The following AHNAK2 variants were observed in gnomAD, a reference collection of about 807,000 sequenced individuals.
AHNAK2 encodes the protein protein AHNAK2.
A neutral mutation model predicts 30.7 loss-of-function variants in AHNAK2; 18 were observed. The ratio of observed to expected loss-of-function variants is 0.59; its 90% CI spans 0.41 to 0.87. The LOEUF is 0.87. Ranked by LOEUF, AHNAK2 falls within the 40% of genes least tolerant of loss-of-function variation. The probability of loss-of-function intolerance (pLI) is 0.00; values close to 1 mark genes in which losing one functional copy is unlikely to be tolerated. For synonymous variants in AHNAK2, 3,590 were observed against 3,073.8 expected, an observed-to-expected ratio of 1.17 and a Z score of -5.56; for missense variants, 8,604 against 7,373.0, an observed-to-expected ratio of 1.17 and a Z score of -6.11.
Position 104,947,980 on chromosome 14 carries a change from G to A in AHNAK2, c.7471C>T (p.Pro2491Ser), listed in dbSNP as rs764399346. 3 of 1,612,582 alleles carry A rather than the reference G, an allele frequency of 1.9e-6. No homozygotes were observed. The highest frequency in any genetic ancestry group is 2.5e-6 in the Non-Finnish European group (3 of 1,179,640). The change falls in exon 7 of 7, where the codon CCG becomes TCG. Residue 2491 changes from proline to serine, a missense_variant. Coordinates refer to ENST00000333244, the MANE Select transcript of AHNAK2 (RefSeq NM_138420.4). Reference protein sequence around the residue: ...SRFKIPKFKMPSFGVSAPGKS... With the variant: ...SRFKIPKFKMSSFGVSAPGKS... ...CCTGGGGCAGACACCCCGAATGACG[G>A]CATCTTGAACTTGGGAATTTTGAAC... is the stretch of plus-strand genomic sequence containing the variant.
chr14:104,968,781 T>C (rs550529629), intron 1 of AHNAK2, among the ~76,000 whole-genome samples: 1 of 152,218 alleles, frequency 6.6e-6, no homozygotes, highest in Non-Finnish European at 1.5e-5. Context: ...CAGGTGTGTG[T>C]GCACACGTGT....
In AHNAK2 at chr14:104,945,083, C is replaced by A; in HGVS notation, c.10368G>T (p.Glu3456Asp). ...CCTTTTCAGCCAGGGACAGGTCCCC[C>A]TCCAGCCGCGCACCATCCAGCTTGG... ...PRAKLDGARLEGDLSLAEKDV... is the reference protein window; with the variant it reads ...PRAKLDGARLDGDLSLAEKDV... The change falls in exon 7 of 7, where the codon GAG becomes GAT. Residue 3456 changes from glutamate to aspartate, a missense_variant. Coordinates refer to ENST00000333244, the MANE Select transcript of AHNAK2 (RefSeq NM_138420.4). The A allele has an allele frequency of 1.2e-6, 2 of 1,613,374 alleles. No individual in the cohort carries two copies. Among genetic ancestry groups the A allele is most frequent in the Non-Finnish European group, 1.7e-6 (2 of 1,179,758 alleles).
Position 104,945,392 on chromosome 14 carries a change from G to A in AHNAK2, c.10059C>T (p.Thr3353=), listed in dbSNP as rs1566904003. ...SLPSMQGDLK[T]TDLSIQLPSV... ...AAGGGAGCTGAATGCTGAGGTCAGT[G>A]GTCTTGAGGTCCCCCTGCATGGAGG... Residue 3353 remains threonine (T), a synonymous_variant, in exon 7 of 7, where the codon ACC becomes ACT. Coordinates refer to ENST00000333244, the MANE Select transcript of AHNAK2 (RefSeq NM_138420.4). The A allele has an allele frequency of 4.3e-6, 7 of 1,612,896 alleles. No individual in the cohort carries two copies. The highest frequency in any genetic ancestry group is 1.7e-5 in the Admixed American group (1 of 59,946).
Position 104,940,661 on chromosome 14 carries a change from C to T in AHNAK2, c.14790G>A (p.Gln4930=). 1 of 1,613,476 alleles carries T rather than the reference C, an allele frequency of 6.2e-7. No homozygotes were observed. The change falls in exon 7 of 7, where the codon CAG becomes CAA. Residue 4930 remains glutamine, a synonymous_variant. Coordinates refer to ENST00000333244, the MANE Select transcript of AHNAK2 (RefSeq NM_138420.4). The surrounding 1 kb of genome is among the most constrained non-coding windows in gnomAD (Gnocchi z 4.4). The part of the protein sequence containing the change: ...QGPEELVASL[Q]TSVVAPGEAP... ...CTTCTCCAGGGGCCACTACTGATGT[C>T]TGCAAGGAGGCCACAAGCTCTTCTG...
chr14:104,965,401 C>CAAAAAAAAAA (rs397853385), intron 1 of AHNAK2, among the ~76,000 whole-genome samples: 43 of 85,410 alleles, frequency 5.0e-4, no homozygotes, highest in Non-Finnish European at 6.3e-4. Context: ...AACTCTGTCT[C>CAAAAAAAAAA]AAAAAAAAAA....
Position 104,950,673 on chromosome 14 carries a change from C to T in AHNAK2, c.4778G>A (p.Gly1593Glu), listed in dbSNP as rs370987429. The T allele has an allele frequency of 3.1e-5, 50 of 1,587,340 alleles. 4 individuals carry two copies. The East Asian group carries it at 8.8e-4, about 28-fold the overall frequency. The change falls in exon 7 of 7, where the codon GGG becomes GAG. Residue 1593 changes from glycine to glutamate, a missense_variant. Physicochemically the swap from Gly to Glu is moderately conservative, Grantham distance 98. Transcript: ENST00000333244. ...SFKMPKVDLK[G>E]PQIDVKGPKL... ...GGGGCCCTTAACATCTATCTGGGGC[C>T]CCTTGAGGTCCACTTTGGGCATCTT...
chr14:104,967,393 A>C (rs1414782930), intron 1 of AHNAK2, among the ~76,000 whole-genome samples: 1 of 152,252 alleles, frequency 6.6e-6, no homozygotes, highest in Non-Finnish European at 1.5e-5. Context: ...TGAGCTGGGC[A>C]CAGCCGGCTG....
At chr14:104,956,734 G>T in intron 3 of AHNAK2, 45 bp from the exon 4 acceptor site, 1 of 1,585,768 alleles carries the variant, frequency 6.3e-7, no homozygotes, top group Non-Finnish European at 8.6e-7. Flanking sequence ...CCCAGCTCAG[G>T]GACAGGGAGG....
chr14:104,940,371 G>C lies in AHNAK2; in HGVS notation c.15080C>G (p.Ala5027Gly). Residue 5027 changes from alanine to glycine, a missense_variant, in exon 7 of 7, where the codon GCA becomes GGA. Physicochemically the swap from Ala to Gly is moderately conservative, Grantham distance 60. Transcript: ENST00000333244. The surrounding 1 kb of genome is among the most constrained non-coding windows in gnomAD (Gnocchi z 4.4). ...TKPGFAMPKL[A>G]LPKMKASKSG... ...CTTAGAAGCCTTCATTTTGGGAAGT[G>C]CAAGTTTTGGCATGGCAAAGCCAGG... 6.2e-7 allele frequency: 1 copy of C among 1,613,870 alleles called. No homozygotes were observed. The highest frequency in any genetic ancestry group is 2.2e-5 in the East Asian group (1 of 44,888).
At position 104,956,623 on chromosome 14, in the gene AHNAK2, C is replaced by A. The variant is rs574568214; in HGVS notation, c.280G>T (p.Asp94Tyr). Residue 94 changes from aspartate (D) to tyrosine (Y), a missense_variant, in exon 4 of 7, where the codon GAC (aspartate) becomes TAC (tyrosine). Physicochemically the swap from Asp to Tyr is radical, Grantham distance 160. Coordinates refer to ENST00000333244, the MANE Select transcript of AHNAK2 (RefSeq NM_138420.4). ...RRSWWKRDSG[D>Y]SRTFFRMSRP... ...CTCATCCTGAAAAATGTCCGTGAGTCCCCTGAATCTCGCTTCCACCAGGAT... is the reference window on the plus strand; with the variant it reads ...CTCATCCTGAAAAATGTCCGTGAGTACCCTGAATCTCGCTTCCACCAGGAT... 6.2e-7 allele frequency: 1 copy of A among 1,613,814 alleles called. No homozygotes were observed. The highest frequency in any genetic ancestry group is 8.5e-7 in the Non-Finnish European group (1 of 1,179,888).
rs375488125 is a variant in AHNAK2, at chr14:104,941,125, C to A, written c.14326G>T (p.Gly4776Cys). Residue 4776 changes from glycine to cysteine, a missense_variant, in exon 7 of 7, where the codon GGT (glycine) becomes TGT (cysteine). Transcript: ENST00000333244. ...GFPSSRLDLT[G>C]PHFESSILSP... ...AGAATAGAAGATTCAAAGTGAGGACCAGTGAGATCAAGCCGGGATGATGGA... is the reference window on the plus strand; with the variant it reads ...AGAATAGAAGATTCAAAGTGAGGACAAGTGAGATCAAGCCGGGATGATGGA... 35 of 1,613,426 alleles carry A rather than the reference C, an allele frequency of 2.2e-5. No individual in the cohort carries two copies. In the African/African-American group the frequency reaches 4.4e-4, roughly 20 times the overall value.
Position 104,957,407 on chromosome 14 carries a change from C to A in AHNAK2, c.213+3G>T. On this transcript the variant is annotated splice_donor_region_variant and intron_variant, in intron 3 of 6. Transcript: ENST00000333244. Reference sequence around the variant, plus strand: ...CCTGTGGGGCTCTGCCCAGCAGGCTCACCTGGAGTCCAAAGTCGGCAGCCT... The same window carrying A: ...CCTGTGGGGCTCTGCCCAGCAGGCTAACCTGGAGTCCAAAGTCGGCAGCCT... 6.3e-7 allele frequency: 1 copy of A among 1,581,636 alleles called. No individual in the cohort carries two copies. The highest frequency in any genetic ancestry group is 8.6e-7 in the Non-Finnish European group (1 of 1,157,912).
At position 104,948,815 on chromosome 14, in the gene AHNAK2, G is replaced by A. The variant is rs748239965; in HGVS notation, c.6636C>T (p.Val2212=). ...GTTTCACGTCCACCTGGCCAGCCTG[G>A]ACCTTCACGTCGGCGGAAAGGGGCT... is the stretch of plus-strand genomic sequence containing the variant. ...SIQPLSADVK[V]QAGQVDVKLL... The change falls in exon 7 of 7, where the codon GTC becomes GTT. Residue 2212 remains valine (V), a synonymous_variant. Coordinates refer to ENST00000333244, the MANE Select transcript of AHNAK2 (RefSeq NM_138420.4). 3 of 1,612,462 alleles carry A rather than the reference G, an allele frequency of 1.9e-6. No homozygotes were observed. Among genetic ancestry groups the A allele is most frequent in the Middle Eastern group, 3.3e-4 (2 of 6,056 alleles).
rs1443982633 is a variant in AHNAK2, at chr14:104,942,188, G to C, written c.13263C>G (p.Asn4421Lys). The C allele has an allele frequency of 6.2e-7, 1 of 1,612,558 alleles. No homozygotes were observed. Among genetic ancestry groups the C allele is most frequent in the African/African-American group, 1.3e-5 (1 of 74,538 alleles). The change falls in exon 7 of 7, where the codon AAC becomes AAG. Residue 4421 changes from asparagine to lysine, a missense_variant. Asn to Lys is a moderately conservative substitution (Grantham distance 94). Coordinates refer to ENST00000333244, the MANE Select transcript of AHNAK2 (RefSeq NM_138420.4). Reference protein sequence around the residue: ...KGPKVEVTSPNLDVSLPSMEV... With the variant: ...KGPKVEVTSPKLDVSLPSMEV... ...CCATGCTGGGCAGAGACACGTCCAG[G>C]TTGGGGGACGTCACCTCCACCTTGG... is the stretch of plus-strand genomic sequence containing the variant.
In AHNAK2 at chr14:104,978,281, G is replaced by A; in HGVS notation, c.-44C>T. The stretch of plus-strand genomic sequence containing the variant: ...CGGGCCTGGCGGCCCGTCGCGTCCA[G>A]TCGCTGGTCCCGGCTCCGGCGCACG... On this transcript the variant is annotated 5_prime_UTR_variant, in exon 1 of 7. Coordinates refer to ENST00000333244, the MANE Select transcript of AHNAK2 (RefSeq NM_138420.4). 3 of 1,128,298 alleles carry A rather than the reference G, an allele frequency of 2.7e-6. No individual in the cohort carries two copies. The highest frequency in any genetic ancestry group is 3.3e-6 in the Non-Finnish European group (3 of 916,770). The allele number at this position is 1,128,298 out of a possible 1,614,324, so 69.9% of individuals were successfully genotyped here. A position where few individuals can be genotyped will look rare whatever the true frequency, so the allele number is the denominator to read the frequency against.
chr14:104,946,591 T>C lies in AHNAK2; in HGVS notation c.8860A>G (p.Lys2954Glu), dbSNP rs768074705. 1.8e-5 allele frequency: 29 copies of C among 1,612,644 alleles called. 1 individual carries two copies. In the South Asian group the frequency reaches 3.2e-4, roughly 18 times the overall value. The change falls in exon 7 of 7, where the codon AAG becomes GAG. Residue 2954 changes from lysine (K) to glutamate (E), a missense_variant. Physicochemically the swap from Lys to Glu is moderately conservative, Grantham distance 56 (BLOSUM62 1). Coordinates refer to ENST00000333244, the MANE Select transcript of AHNAK2 (RefSeq NM_138420.4). ...VEVDVEAPRAKLDGARLEGDL... is the reference protein window; with the variant it reads ...VEVDVEAPRAELDGARLEGDL... Reference sequence around the variant, plus strand: ...CCCTCCAGCCGTGCACCATCCAGCTTTGCTCTCGGGGCCTCGACGTCCACC... The same window carrying C: ...CCCTCCAGCCGTGCACCATCCAGCTCTGCTCTCGGGGCCTCGACGTCCACC...
In AHNAK2 at chr14:104,942,534, G is replaced by A. The variant is rs10148785; in HGVS notation, c.12917C>T (p.Pro4306Leu). 9.4e-4 allele frequency: 1,522 copies of A among 1,612,916 alleles called. 17 individuals are homozygous for A. The African/African-American group carries it at 0.018, about 19-fold the overall frequency. ...SKFKMPKFKM[P>L]SFGVSAPGKS... ...GCCTGGGGCAGACACCCCGAACGAC[G>A]GCATCTTGAACTTGGGCATTTTGAA... The change falls in exon 7 of 7, where the codon CCG becomes CTG. Residue 4306 changes from proline to leucine, a missense_variant. Physicochemically the swap from Pro to Leu is moderately conservative, Grantham distance 98 (BLOSUM62 -3). Coordinates refer to ENST00000333244, the MANE Select transcript of AHNAK2 (RefSeq NM_138420.4).
rs368964173 is a variant in AHNAK2 at position 104,949,927 on chromosome 14, T to C, written c.5524A>G (p.Ile1842Val). ...GCAGACACATCCACCGAGGCCTCGA[T>C]GGACTTGCCTGGGGCAGACACCCCG... The part of the protein sequence containing the change: ...SFGVSAPGKS[I>V]EASVDVSAPK... Residue 1842 changes from isoleucine (I) to valine (V), a missense_variant, in exon 7 of 7, where the codon ATC (isoleucine) becomes GTC (valine). Transcript: ENST00000333244. 9 of 1,589,086 alleles carry C rather than the reference T, an allele frequency of 5.7e-6. No homozygotes were observed. Among genetic ancestry groups the C allele is most frequent in the African/African-American group, 5.5e-5 (4 of 72,530 alleles).
rs114948399 is a variant in AHNAK2 at position 104,967,361 on chromosome 14, G to A, written c.56-9689C>T. Reference sequence around the variant, plus strand: ...AACACAGGTCTGCTGGGCTGGGGGTGGGCACCACGGTCAAGGGCCCCTGAG... The same window carrying A: ...AACACAGGTCTGCTGGGCTGGGGGTAGGCACCACGGTCAAGGGCCCCTGAG... On this transcript the variant is annotated intron_variant, in intron 1 of 6. Coordinates refer to ENST00000333244, the MANE Select transcript of AHNAK2 (RefSeq NM_138420.4). Among the ~76,000 whole-genome samples the A allele has an allele frequency of 1.8e-3, 272 of 152,354 alleles. 1 individual carries two copies. The highest frequency in any genetic ancestry group is 6.3e-3 in the African/African-American group (262 of 41,590).
Sources: allele counts gnomAD v4.1 joint callset (sites outside exome capture counted in the v4.1 genomes callset), GRCh38; gene constraint gnomAD v4.1.1; non-coding constraint Gnocchi (gnomAD v3.1); transcripts MANE v1.5; gene names NCBI Gene and HGNC (gene_info 2026-07-23, HGNC 2026-07-21).